Variants in DMD observed in about 807,000 individuals in gnomAD.
DMD encodes the protein mutant dystrophin.
In DMD, 63 loss-of-function variants were observed where a neutral mutation model predicts 330.1. That is an observed-to-expected ratio of 0.19 (90% CI 0.16 to 0.24). The LOEUF (loss-of-function observed/expected upper bound fraction) is 0.24, where lower values mean the gene tolerates loss of function less well. DMD is among the 10% of genes least tolerant of loss of function. DMD has a pLI of 1.00. For synonymous variants in DMD, 1,223 were observed against 959.8 expected (o/e 1.27, Z -5.07); for missense variants, 3,344 against 2,684.1 (o/e 1.25, Z -5.43).
chrX:32,838,204 T>G (rs899345709), intron 4 of DMD, among the ~76,000 whole-genome samples: 1 of 111,927 alleles, frequency 8.9e-6, no homozygotes, highest in East Asian at 2.8e-4. Flanking sequence ...AATGACACTC[T>G]AAGTTTGTTA....
rs368263298 is a variant in DMD at position 32,298,327 on chromosome X, A to G, written c.6118-10626T>C. On this transcript the variant is annotated intron_variant, in intron 42 of 78. Transcript: ENST00000357033. ...GCAGAATCCTTAGGATTTGGTGGCC[A>G]ATTACATGTGTGTTGGTAGAGAAAG... 2.8e-4 allele frequency among the ~76,000 whole-genome samples: 31 copies of G among 110,681 alleles called. No homozygotes were observed. In the East Asian group the frequency reaches 2.9e-3, roughly 10 times the overall value.
chrX:32,428,261 T>C (rs1185344722), intron 29 of DMD, among the ~76,000 whole-genome samples: 1 of 112,099 alleles, frequency 8.9e-6, no homozygotes, highest in Non-Finnish European at 1.9e-5. Flanking sequence ...ACCATCCATT[T>C]TGAATTCATC....
At chrX:31,630,164 T>G (rs2079060851) in intron 54 of DMD, among the ~76,000 whole-genome samples, 1 of 111,581 alleles carries the variant, frequency 9.0e-6, no homozygotes, top group Admixed American at 9.5e-5. Flanking sequence ...TGCACATAAA[T>G]CAGATGAAAG....
At chrX:32,192,625 CTT>C (rs1424224785) in intron 44 of DMD, among the ~76,000 whole-genome samples, 1 of 112,028 alleles carries the variant, frequency 8.9e-6, no homozygotes, top group African/African-American at 3.2e-5. Context: ...TGCTATGTAT[CTT>C]TTACTTTTGT....
intron 41 of DMD, among the ~76,000 whole-genome samples, chrX:32,317,233 A>T (rs762352512): frequency 9.0e-6 from 1 of 111,330 alleles, no homozygotes; most frequent in African/African-American, 3.2e-5. Context: ...TATATACCCC[A>T]AAGAATATAC....
At chrX:32,644,587 G>A (rs1159044393) in intron 10 of DMD, among the ~76,000 whole-genome samples, 1 of 109,766 alleles carries the variant, frequency 9.1e-6, no homozygotes, top group Non-Finnish European at 1.9e-5. Flanking sequence ...TTCCGCAAGG[G>A]AGTTGAAGAT....
chrX:31,231,297 C>A (rs1473073632), intron 63 of DMD, among the ~76,000 whole-genome samples: 1 of 109,931 alleles, frequency 9.1e-6, no homozygotes, highest in African/African-American at 3.3e-5. Flanking sequence ...TAAAATAGTA[C>A]AAATGACATA....
At chrX:32,943,878 T>C (rs1431094481) in intron 2 of DMD, among the ~76,000 whole-genome samples, 4 of 112,230 alleles carry the variant, frequency 3.6e-5, no homozygotes, top group Non-Finnish European at 7.5e-5. Context: ...TTTATTTTCT[T>C]TTTGTCCAAA....
intron 43 of DMD, among the ~76,000 whole-genome samples, chrX:32,234,706 G>A (rs904995717): frequency 9.0e-6 from 1 of 111,683 alleles, no homozygotes; most frequent in Non-Finnish European, 1.9e-5. Context: ...TGCATATCCA[G>A]GTAAACTGCT....
rs1487261772 is a variant in DMD at position 31,119,874 on chromosome X, G to C, written c.*2045C>G. On this transcript the variant is annotated 3_prime_UTR_variant, in exon 79 of 79. Transcript: ENST00000357033. ...GGGTTTTCTTTTGAAAATTATGAAGGAAAAAGAAAGAATTATAAAGGAAAA... is the reference window on the plus strand; with the variant it reads ...GGGTTTTCTTTTGAAAATTATGAAGCAAAAAGAAAGAATTATAAAGGAAAA... 2.7e-5 allele frequency: 3 copies of C among 110,990 alleles called. No individual in the cohort carries two copies. Among genetic ancestry groups the C allele is most frequent in the African/African-American group, 9.9e-5 (3 of 30,190 alleles). The allele number at this position is 110,990 out of a possible 1,213,427, so 9.1% of individuals were successfully genotyped here.
At chrX:31,871,575 C>A (rs1015833463) in intron 48 of DMD, among the ~76,000 whole-genome samples, 1 of 110,889 alleles carries the variant, frequency 9.0e-6, no homozygotes, top group Non-Finnish European at 1.9e-5. Context: ...CCTTTGTTTC[C>A]GAGGCAGCTA....
chrX:32,700,671 C>A (rs2064038012), intron 7 of DMD, among the ~76,000 whole-genome samples: 1 of 111,029 alleles, frequency 9.0e-6, no homozygotes, highest in Non-Finnish European at 1.9e-5. Context: ...TAAATGTATG[C>A]AATTTTAGTT....
rs959858751 is a variant in DMD at position 32,458,983 on chromosome X, G to C, written c.3433-4151C>G. Among the ~76,000 whole-genome samples the C allele has an allele frequency of 6.8e-4, 75 of 110,897 alleles. 1 individual carries two copies. Among genetic ancestry groups the C allele is most frequent in the Non-Finnish European group, 1.9e-4 (10 of 52,742 alleles). On this transcript the variant is annotated intron_variant, in intron 25 of 78. Coordinates refer to ENST00000357033, the MANE Select transcript of DMD (RefSeq NM_004006.3). Reference sequence around the variant, plus strand: ...GTCAAACTCACAGAACTAGAGAGTAGAATAGTGGTTTCCAAAGGCTGAGAG... The same window carrying C: ...GTCAAACTCACAGAACTAGAGAGTACAATAGTGGTTTCCAAAGGCTGAGAG...
At chrX:32,944,159 G>C (rs1184999553) in intron 2 of DMD, among the ~76,000 whole-genome samples, 2 of 111,760 alleles carry the variant, frequency 1.8e-5, no homozygotes, top group African/African-American at 6.5e-5. Context: ...ATGACCTCCA[G>C]GTCTAACACT....
At chrX:31,144,522 C>T (rs952410475) in intron 76 of DMD, among the ~76,000 whole-genome samples, 4 of 112,264 alleles carry the variant, frequency 3.6e-5, no homozygotes, top group Admixed American at 1.9e-4. Context: ...AACTCACCCA[C>T]ACCCCTGACT....
At chrX:32,041,833 T>G (rs1003664433) in intron 44 of DMD, among the ~76,000 whole-genome samples, 2 of 108,215 alleles carry the variant, frequency 1.8e-5, no homozygotes, top group Non-Finnish European at 1.9e-5. Context: ...ATTTAAAATT[T>G]TGCTAAAGTA....
intron 4 of DMD, among the ~76,000 whole-genome samples, chrX:32,840,598 C>G (rs758483026): frequency 8.9e-6 from 1 of 112,198 alleles, no homozygotes; most frequent in Non-Finnish European, 1.9e-5. Flanking sequence ...TACTGACTTA[C>G]TCCTTCCAAA....
chrX:32,483,137 T>C (rs2042062014), intron 21 of DMD, among the ~76,000 whole-genome samples: 1 of 38,352 alleles, frequency 2.6e-5, no homozygotes, highest in African/African-American at 8.2e-5. Flanking sequence ...TATGCTACAT[T>C]TTTCATTCCA....
chrX:32,628,324 A>G (rs1156340585), intron 11 of DMD, among the ~76,000 whole-genome samples: 7 of 75,139 alleles, frequency 9.3e-5, no homozygotes, highest in African/African-American at 2.2e-4. Context: ...GAGAACATGC[A>G]AAGTTTGTTT....
Sources: allele counts gnomAD v4.1 joint callset (sites outside exome capture counted in the v4.1 genomes callset), GRCh38; gene constraint gnomAD v4.1.1; transcripts MANE v1.5; gene names NCBI Gene and HGNC (gene_info 2026-07-23, HGNC 2026-07-21).